The following SLC35D2 variants were observed in gnomAD, a reference collection of about 807,000 sequenced individuals.
SLC35D2 encodes solute carrier family 35 member D2, also known as nucleotide sugar transporter SLC35D2.
A neutral mutation model predicts 41.8 loss-of-function variants in SLC35D2; 43 were observed. The ratio of observed to expected loss-of-function variants is 1.03; its 90% CI spans 0.81 to 1.33. The LOEUF is 1.33. Among genes scored for constraint, SLC35D2 ranks in the 40% most tolerant of loss-of-function variants. The pLI, the probability that SLC35D2 is intolerant of heterozygous loss-of-function variation, is 0.00. For synonymous variants in SLC35D2, 150 were observed against 163.9 expected (o/e 0.92, Z 0.65); for missense variants, 380 against 408.4 (o/e 0.93, Z 0.60).
intron 1 of SLC35D2, 26 bp downstream of exon 1, chr9:96,383,450 AC>A (rs546361144): frequency 3.7e-5 from 56 of 1,496,904 alleles, no homozygotes; most frequent in East Asian, 2.3e-4. Flanking sequence ...ACTCCCGCAG[AC>A]CCCCCGGCCC....
chr9:96,348,987 A>G (rs1423240535), intron 6 of SLC35D2, among the ~76,000 whole-genome samples: 1 of 152,180 alleles, frequency 6.6e-6, no homozygotes, highest in Non-Finnish European at 1.5e-5. Flanking sequence ...GCCCTAAGGA[A>G]GCTAGAAGAG....
At position 96,382,191 on chromosome 9, in the gene SLC35D2, G is replaced by A. The variant is rs117445608; in HGVS notation, c.158+1286C>T. Reference sequence around the variant, plus strand: ...TTTTCTCGAATATAAAATAAGAAAGGTGAGGCTGGATGAGATAGTTTGCAC... The same window carrying A: ...TTTTCTCGAATATAAAATAAGAAAGATGAGGCTGGATGAGATAGTTTGCAC... On this transcript the variant is annotated intron_variant, in intron 1 of 11. Transcript: ENST00000253270. 4.9e-4 allele frequency among the ~76,000 whole-genome samples: 74 copies of A among 151,954 alleles called. 1 individual carries two copies. In the East Asian group the frequency reaches 0.012, roughly 24 times the overall value.
At chr9:96,367,094 C>A (rs1383394319) in intron 2 of SLC35D2, among the ~76,000 whole-genome samples, 3 of 151,234 alleles carry the variant, frequency 2.0e-5, no homozygotes, top group Non-Finnish European at 4.4e-5. Context: ...GTGGCACGCA[C>A]CTGTAATCCC....
intron 9 of SLC35D2, among the ~76,000 whole-genome samples, chr9:96,329,976 A>G (rs72603669): frequency 0.13 from 20,261 of 152,234 alleles, 1,790 homozygotes; most frequent in East Asian, 0.28. Context: ...CAAGTTGGAG[A>G]CCCTGAGATG....
intron 3 of SLC35D2, among the ~76,000 whole-genome samples, chr9:96,362,798 A>G (rs1830326582): frequency 6.6e-6 from 1 of 151,926 alleles, no homozygotes; most frequent in African/African-American, 2.4e-5. Flanking sequence ...GGTTTTTCTC[A>G]TGATGATTAG....
chr9:96,344,971 C>G (rs941753640), intron 7 of SLC35D2, among the ~76,000 whole-genome samples: 2 of 152,176 alleles, frequency 1.3e-5, no homozygotes, highest in Admixed American at 6.5e-5. Context: ...AGACTCCAAA[C>G]TAGCGCTCTC....
At chr9:96,366,391 G>T (rs1311444470) in intron 2 of SLC35D2, among the ~76,000 whole-genome samples, 1 of 151,236 alleles carries the variant, frequency 6.6e-6, no homozygotes, top group Non-Finnish European at 1.5e-5. Flanking sequence ...TTTAAAATTA[G>T]ATCTAACTGG....
chr9:96,350,347 CTTTTTTTTTTTTTTT>C (rs57531044), intron 6 of SLC35D2, among the ~76,000 whole-genome samples: 1 of 90,992 alleles, frequency 1.1e-5, no homozygotes, highest in African/African-American at 5.0e-5. Flanking sequence ...ATTTTCTTTC[CTTTTTTTTTTTTTTT>C]TTTTTTTTTT....
intron 2 of SLC35D2, among the ~76,000 whole-genome samples, chr9:96,366,312 A>AAAAGG (rs1564121364): frequency 1.3e-5 from 2 of 150,950 alleles, no homozygotes; most frequent in South Asian, 2.1e-4. Flanking sequence ...AAAAAAAAAA[A>AAAAGG]AAGGAAGGAA....
intron 6 of SLC35D2, among the ~76,000 whole-genome samples, chr9:96,347,743 T>G (rs1829642455): frequency 6.6e-6 from 1 of 152,124 alleles, no homozygotes. Context: ...CCCAGGCGGT[T>G]AAGGCATTCT....
At chr9:96,382,496 C>CTATATATATATA (rs142809659) in intron 1 of SLC35D2, among the ~76,000 whole-genome samples, 8 of 127,942 alleles carry the variant, frequency 6.3e-5, no homozygotes, top group African/African-American at 2.0e-4. Context: ...CACACACACA[C>CTATATATATATA]TATATATATA....
intron 1 of SLC35D2, among the ~76,000 whole-genome samples, chr9:96,379,306 C>CAAAA (rs35181002): frequency 8.2e-6 from 1 of 122,422 alleles, no homozygotes. Flanking sequence ...GACCCTGTCT[C>CAAAA]AAAAAAAAAA....
chr9:96,363,216 A>C (rs1830350904), intron 3 of SLC35D2, among the ~76,000 whole-genome samples: 1 of 146,504 alleles, frequency 6.8e-6, no homozygotes. Context: ...CTCCACACTG[A>C]CCTCCAACTC....
At chr9:96,355,503 A>T (rs78156738) in intron 4 of SLC35D2, among the ~76,000 whole-genome samples, 76 of 145,638 alleles carry the variant, frequency 5.2e-4, no homozygotes, top group African/African-American at 1.5e-3. Context: ...AAAAAAAAAA[A>T]TTTTTTTTTT....
chr9:96,360,790 G>A (rs894085512), intron 3 of SLC35D2, among the ~76,000 whole-genome samples: 1 of 151,974 alleles, frequency 6.6e-6, no homozygotes, highest in Admixed American at 6.6e-5. Flanking sequence ...TGCCCAGGCT[G>A]GAGTGCAATG....
intron 4 of SLC35D2, among the ~76,000 whole-genome samples, chr9:96,359,121 G>A (rs147066134): frequency 0.014 from 2,140 of 151,804 alleles, 44 homozygotes; most frequent in African/African-American, 0.049. Context: ...TGGCTAACAC[G>A]GTGAAACCCC....
At chr9:96,318,209 C>T (rs2130817672), downstream of SLC35D2, among the ~76,000 whole-genome samples, 1 of 152,254 alleles carries the variant, frequency 6.6e-6, no homozygotes. Flanking sequence ...CCTGTAATCC[C>T]TACACTTTAG....
intron 3 of SLC35D2, among the ~76,000 whole-genome samples, chr9:96,363,212 A>G (rs906686780): frequency 6.8e-6 from 1 of 147,378 alleles, no homozygotes; most frequent in Admixed American, 6.8e-5. Context: ...CGTTCTCCAC[A>G]CTGACCTCCA....
intron 10 of SLC35D2, among the ~76,000 whole-genome samples, chr9:96,322,610 T>C (rs781584582): frequency 6.6e-6 from 1 of 152,096 alleles, no homozygotes; most frequent in Non-Finnish European, 1.5e-5. Flanking sequence ...TGCATTATTC[T>C]CTCTCTTGAT....
Sources: allele counts gnomAD v4.1 joint callset (sites outside exome capture counted in the v4.1 genomes callset), GRCh38; gene constraint gnomAD v4.1.1; transcripts MANE v1.5; gene names NCBI Gene and HGNC (gene_info 2026-07-23, HGNC 2026-07-21).